The following ARFIP1 variants were observed in gnomAD, a reference collection of about 807,000 sequenced individuals.
The protein encoded by ARFIP1 is arfaptin-1.
ARFIP1 carries 24 observed loss-of-function variants against 42.5 expected under a neutral mutation model. The observed-to-expected ratio is 0.57, with a 90% CI of 0.41 to 0.80. The LOEUF is 0.80. Among genes scored for constraint, ARFIP1 ranks in the 30% least tolerant of loss-of-function variants. ARFIP1 has a pLI of 0.00. For synonymous variants in ARFIP1, 141 were observed against 153.7 expected, an observed-to-expected ratio of 0.92 and a Z score of 0.61; for missense variants, 354 against 434.0, an observed-to-expected ratio of 0.82 and a Z score of 1.64.
At chr4:152,857,128 G>T (rs1336479999) in intron 2 of ARFIP1, among the ~76,000 whole-genome samples, 1 of 152,182 alleles carries the variant, frequency 6.6e-6, no homozygotes, top group African/African-American at 2.4e-5. Flanking sequence ...CTCTCTAAGT[G>T]TTCTTTAAAA....
chr4:152,896,963 A>T (rs1737392876), intron 8 of ARFIP1, among the ~76,000 whole-genome samples: 1 of 152,216 alleles, frequency 6.6e-6, no homozygotes, highest in African/African-American at 2.4e-5. Flanking sequence ...ATGACAGAGT[A>T]GAAATAGTGC....
intron 1 of ARFIP1, among the ~76,000 whole-genome samples, chr4:152,806,501 A>G (rs1455818302): frequency 6.6e-6 from 1 of 152,152 alleles, no homozygotes; most frequent in Non-Finnish European, 1.5e-5. Context: ...TGTAATTTTT[A>G]CCTTTTTTTC....
chr4:152,900,312 G>A (rs1579041592), intron 8 of ARFIP1, among the ~76,000 whole-genome samples: 1 of 152,112 alleles, frequency 6.6e-6, no homozygotes, highest in Non-Finnish European at 1.5e-5. Flanking sequence ...ATTATAAGAC[G>A]TCACCACAGT....
intron 1 of ARFIP1, chr4:152,796,860 G>A: frequency 2.0e-6 from 1 of 506,630 alleles, no homozygotes; most frequent in South Asian, 2.6e-5. Context: ...GCACCCAGAA[G>A]CAGCCCTTGG....
chr4:152,845,628 C>G (rs1479568796), intron 2 of ARFIP1, among the ~76,000 whole-genome samples: 1 of 152,082 alleles, frequency 6.6e-6, no homozygotes, highest in Non-Finnish European at 1.5e-5. Flanking sequence ...CAGAGAAATG[C>G]AAATCAAAAC....
At chr4:152,798,040 C>T (rs536894193) in intron 1 of ARFIP1, among the ~76,000 whole-genome samples, 1 of 152,246 alleles carries the variant, frequency 6.6e-6, no homozygotes, top group South Asian at 2.1e-4. Flanking sequence ...GGTGGATCAC[C>T]TGAAGTCAGG....
intron 1 of ARFIP1, chr4:152,796,257 T>C: frequency 9.7e-7 from 1 of 1,034,846 alleles, no homozygotes; most frequent in Non-Finnish European, 1.5e-6. Flanking sequence ...ACACCAAGTA[T>C]TGGTAGGCAA....
chr4:152,825,748 C>T (rs780646577), intron 1 of ARFIP1, among the ~76,000 whole-genome samples: 2 of 152,170 alleles, frequency 1.3e-5, no homozygotes, highest in African/African-American at 4.8e-5. Flanking sequence ...AATAAACAGA[C>T]AACCTACAGA....
At chr4:152,873,551 T>C (rs1157316187) in intron 5 of ARFIP1, among the ~76,000 whole-genome samples, 7 of 152,238 alleles carry the variant, frequency 4.6e-5, no homozygotes, top group African/African-American at 1.7e-4. Context: ...TGATGCTTGC[T>C]TAAACTAAAC....
chr4:152,906,648 A>T (rs1006220203), intron 8 of ARFIP1, among the ~76,000 whole-genome samples: 1 of 152,118 alleles, frequency 6.6e-6, no homozygotes, highest in East Asian at 1.9e-4. Context: ...ATGTTTATTA[A>T]ATTAAGTGTT....
intron 1 of ARFIP1, among the ~76,000 whole-genome samples, chr4:152,787,367 A>ACCCAACTTT (rs1318334958): frequency 6.6e-6 from 1 of 152,214 alleles, no homozygotes; most frequent in Non-Finnish European, 1.5e-5. Flanking sequence ...ATAATTCTAC[A>ACCCAACTTT]CCCAACTTTA....
chr4:152,899,820 T>G (rs553108056), intron 8 of ARFIP1, among the ~76,000 whole-genome samples: 1 of 152,254 alleles, frequency 6.6e-6, no homozygotes, highest in South Asian at 2.1e-4. Flanking sequence ...ATAAGGATTT[T>G]TATATATATA....
intron 1 of ARFIP1, chr4:152,796,345 T>C: frequency 1.4e-6 from 1 of 739,142 alleles, no homozygotes; most frequent in Non-Finnish European, 2.4e-6. Flanking sequence ...ATCTTTCATA[T>C]TTAGGTGGTT....
intron 2 of ARFIP1, among the ~76,000 whole-genome samples, chr4:152,836,207 T>G (rs1003779255): frequency 2.0e-5 from 3 of 152,202 alleles, no homozygotes; most frequent in African/African-American, 7.2e-5. Flanking sequence ...ATATACAGCA[T>G]GCTAACTATA....
At chr4:152,802,861 A>T (rs922005847) in intron 1 of ARFIP1, among the ~76,000 whole-genome samples, 1 of 152,240 alleles carries the variant, frequency 6.6e-6, no homozygotes, top group African/African-American at 2.4e-5. Flanking sequence ...ATTAGCCTAT[A>T]AATGCTAAAT....
At chr4:152,868,313 T>A (rs918632621) in intron 3 of ARFIP1, among the ~76,000 whole-genome samples, 7 of 152,200 alleles carry the variant, frequency 4.6e-5, no homozygotes, top group African/African-American at 1.7e-4. Flanking sequence ...TGCACATATG[T>A]ATTCATCTTT....
At chr4:152,803,995 T>C (rs1728635763) in intron 1 of ARFIP1, among the ~76,000 whole-genome samples, 3 of 135,706 alleles carry the variant, frequency 2.2e-5, no homozygotes, top group South Asian at 2.2e-4. Flanking sequence ...TTTATATATA[T>C]AATATAACAT....
intron 1 of ARFIP1, among the ~76,000 whole-genome samples, chr4:152,798,786 T>G (rs1731628336): frequency 6.6e-6 from 1 of 152,236 alleles, no homozygotes; most frequent in African/African-American, 2.4e-5. Flanking sequence ...AGAGTTTACT[T>G]TTTATTACCC....
At chr4:152,835,616 A>G (rs1027109553) in intron 2 of ARFIP1, among the ~76,000 whole-genome samples, 1 of 152,174 alleles carries the variant, frequency 6.6e-6, no homozygotes, top group Non-Finnish European at 1.5e-5. Flanking sequence ...AGCCCTCTCA[A>G]TTCTTCCAAC....
Sources: allele counts gnomAD v4.1 joint callset (sites outside exome capture counted in the v4.1 genomes callset), GRCh38; gene constraint gnomAD v4.1.1; transcripts MANE v1.5; gene names NCBI Gene and HGNC (gene_info 2026-07-23, HGNC 2026-07-21).